CRIP2: variants seen among roughly 807,000 people sequenced by gnomAD.
The protein encoded by CRIP2 is cysteine-rich protein 2.
Under a neutral mutation model 31.3 loss-of-function variants are expected in CRIP2, and 31 were observed. The ratio of observed to expected loss-of-function variants is 0.99; its 90% CI spans 0.74 to 1.34. CRIP2 has a LOEUF of 1.34. Ranked by LOEUF, CRIP2 falls within the 40% of genes most tolerant of loss-of-function variation. The pLI, the probability that CRIP2 is intolerant of heterozygous loss-of-function variation, is 0.00. For missense variants in CRIP2, 389 were observed against 301.6 expected (o/e 1.29, Z -2.15); for synonymous variants, 177 against 127.2 (o/e 1.39, Z -2.63).
chr14:105,478,688 C>T lies in CRIP2; in HGVS notation c.197-43C>T, dbSNP rs1299752526. ...TTTCTGAGATGCCCGGTGGCCGCGG[C>T]CCCCACCCCACGTACCCCCGCCCCA... is the stretch of plus-strand genomic sequence containing the variant. On this transcript the variant is annotated intron_variant, in intron 3 of 7. Coordinates refer to ENST00000329146, the MANE Select transcript of CRIP2 (RefSeq NM_001312.4). This position sits in a 1 kb window ranked among gnomAD's most constrained non-coding sequence, Gnocchi z 4.9. 4 of 1,445,752 alleles carry T rather than the reference C, an allele frequency of 2.8e-6. No individual in the cohort carries two copies. Among genetic ancestry groups the T allele is most frequent in the African/African-American group, 1.4e-5 (1 of 70,082 alleles). 89.6% of individuals were successfully genotyped at this position (1,445,752 alleles called of 1,614,324 possible).
In CRIP2 at chr14:105,478,837, GA is replaced by G; in HGVS notation, c.305del (p.Lys102ArgfsTer38). The G allele has an allele frequency of 7.0e-7, 1 of 1,428,384 alleles. No homozygotes were observed. The highest frequency in any genetic ancestry group is 9.1e-7 in the Non-Finnish European group (1 of 1,101,660). 88.5% of individuals were successfully genotyped at this position (1,428,384 alleles called of 1,614,324 possible). On this transcript the variant is annotated frameshift_variant, in exon 4 of 8. Transcript: ENST00000329146. LOFTEE classifies it high-confidence loss of function. This position sits in a 1 kb window ranked among gnomAD's most constrained non-coding sequence, Gnocchi z 4.9. ...EVPAARAEERKASGPPKGPSR... is the reference protein window; with the variant it reads ...EVPAARAEERXASGPPKGPSR... ...TCCCCGCGGCCCGAGCAGAGGAGCG[GA>G]AGGCGAGCGGCCCCCCGAAGGGGCC...
chr14:105,476,909 T>A (rs587662284), intron 1 of CRIP2: 1 of 367,882 alleles, frequency 2.7e-6, no homozygotes, highest in African/African-American at 2.2e-5. Context: ...GTAGGCCACC[T>A]GGGGGATCCC....
chr14:105,478,223 GGCGCGCCCCGGC>G lies in CRIP2; in HGVS notation c.44-42_44-31del, dbSNP rs1273901259. The G allele has an allele frequency of 7.0e-7, 1 of 1,429,608 alleles. No individual in the cohort carries two copies. The highest frequency in any genetic ancestry group is 1.5e-5 in the African/African-American group (1 of 66,698). The allele number at this position is 1,429,608 out of a possible 1,614,324, so 88.6% of individuals were successfully genotyped here. ...CCAGGTGGGGGCGGAGGGGGTGCGG[GGCGCGCCCCGGC>G]CCTGACCCCCCTGCCGCCCCTCCCG... On this transcript the variant is annotated intron_variant, in intron 1 of 7. Coordinates refer to ENST00000329146, the MANE Select transcript of CRIP2 (RefSeq NM_001312.4). This position sits in a 1 kb window ranked among gnomAD's most constrained non-coding sequence, Gnocchi z 4.9.
rs1209277606 is a variant in CRIP2, at chr14:105,478,940, C to T, written c.338-39C>T. 6 of 1,531,994 alleles carry T rather than the reference C, an allele frequency of 3.9e-6. No homozygotes were observed. The highest frequency in any genetic ancestry group is 2.0e-5 in the Admixed American group (1 of 50,770). 94.9% of individuals were successfully genotyped at this position (1,531,994 alleles called of 1,614,324 possible). A position where few individuals can be genotyped will look rare whatever the true frequency, so the allele number is the denominator to read the frequency against. On this transcript the variant is annotated intron_variant, in intron 4 of 7. Transcript: ENST00000329146. This position sits in a 1 kb window ranked among gnomAD's most constrained non-coding sequence, Gnocchi z 4.9. ...GGGCTGGGGCTGGGGGTTGTGGGCA[C>T]CCCCGGCCCCGCCCCGCCCTGACTC...
chr14:105,473,191 C>A, upstream of CRIP2: 4 of 1,530,140 alleles, frequency 2.6e-6, no homozygotes, highest in Non-Finnish European at 3.5e-6. Context: ...GTGAGGGACC[C>A]CTAGGGACCC....
chr14:105,479,483 C>T lies in CRIP2; in HGVS notation c.549C>T (p.Phe183=), dbSNP rs781783153. The T allele has an allele frequency of 5.6e-6, 9 of 1,612,912 alleles. No homozygotes were observed. Among genetic ancestry groups the T allele is most frequent in the African/African-American group, 1.3e-5 (1 of 74,932 alleles). The change falls in exon 7 of 8, where the codon TTC becomes TTT. Residue 183 remains phenylalanine (F), a synonymous_variant. Transcript: ENST00000329146. ...YCHKPCYGIL[F]GPKGVNTGAV... Reference sequence around the variant, plus strand: ...ACAAGCCCTGCTATGGAATCCTCTTCGGACCCAAGGGTGAGTGTAGCCAGG... The same window carrying T: ...ACAAGCCCTGCTATGGAATCCTCTTTGGACCCAAGGGTGAGTGTAGCCAGG...
At chr14:105,477,819 G>T (rs1412071404) in intron 1 of CRIP2, among the ~76,000 whole-genome samples, 2 of 119,862 alleles carry the variant, frequency 1.7e-5, no homozygotes, top group Admixed American at 8.2e-5. Flanking sequence ...GGAGGCGGGC[G>T]TGTGGGGGAG....
chr14:105,473,317 G>C (rs1209118058), upstream of CRIP2: 3 of 1,526,436 alleles, frequency 2.0e-6, no homozygotes, highest in Non-Finnish European at 2.6e-6. Context: ...GGTCAGGCTG[G>C]TCAGTCGGGC....
chr14:105,479,335 C>T lies in CRIP2; in HGVS notation c.502-101C>T, dbSNP rs905478390. On this transcript the variant is annotated intron_variant, in intron 6 of 7. Transcript: ENST00000329146. ...TGGTGCTTCTGGGAGCTGCGCTGCCCTCTCCCCCACGGCGAGCCGGCCTGC... is the reference window on the plus strand; with the variant it reads ...TGGTGCTTCTGGGAGCTGCGCTGCCTTCTCCCCCACGGCGAGCCGGCCTGC... 1.2e-5 allele frequency: 18 copies of T among 1,556,056 alleles called. No homozygotes were observed. The African/African-American group carries it at 2.0e-4, about 18-fold the overall frequency.
chr14:105,475,196 G>A, intron 1 of CRIP2: 1 of 320,952 alleles, frequency 3.1e-6, no homozygotes, highest in Non-Finnish European at 5.7e-6. Flanking sequence ...GTGTTTGGGG[G>A]AGCGCTCGGG....
At chr14:105,476,116 C>T in intron 1 of CRIP2, 3 of 985,534 alleles carry the variant, frequency 3.0e-6, no homozygotes, top group African/African-American at 1.7e-5. Flanking sequence ...GTCTCTGTCC[C>T]AGCGAGGGCT....
rs1486852717 is a variant in CRIP2, at chr14:105,478,566, C to T, written c.196+59C>T. On this transcript the variant is annotated intron_variant, in intron 3 of 7. Transcript: ENST00000329146. The surrounding 1 kb of genome is among the most constrained non-coding windows in gnomAD (Gnocchi z 4.9). ...CCTGCTGGGAGGGGCGTGGCGCTGG[C>T]GCTGGGGAGGGCTGGGGGTCCCGGC... 4 of 1,563,438 alleles carry T rather than the reference C, an allele frequency of 2.6e-6. No individual in the cohort carries two copies. The African/African-American group carries it at 4.1e-5, about 16-fold the overall frequency.
In CRIP2 at chr14:105,478,530, C is replaced by G. The variant is rs587762498; in HGVS notation, c.196+23C>G. The G allele has an allele frequency of 2.6e-5, 42 of 1,602,538 alleles. No individual in the cohort carries two copies. In the South Asian group the frequency reaches 4.7e-4, roughly 18 times the overall value. On this transcript the variant is annotated intron_variant, in intron 3 of 7. Coordinates refer to ENST00000329146, the MANE Select transcript of CRIP2 (RefSeq NM_001312.4). The surrounding 1 kb of genome is among the most constrained non-coding windows in gnomAD (Gnocchi z 4.9). Reference sequence around the variant, plus strand: ...AAGGTGAGCTCCGGCTGCCCTCGGCCTGCCCTGGGACCTGCTGGGAGGGGC... The same window carrying G: ...AAGGTGAGCTCCGGCTGCCCTCGGCGTGCCCTGGGACCTGCTGGGAGGGGC...
upstream of CRIP2, chr14:105,473,432 A>G: frequency 6.5e-7 from 1 of 1,535,698 alleles, no homozygotes; most frequent in Non-Finnish European, 8.7e-7. Context: ...GAGCCCAGCC[A>G]GGACCACCAT....
At chr14:105,477,368 G>C in intron 1 of CRIP2, 1 of 985,296 alleles carries the variant, frequency 1.0e-6, no homozygotes. Context: ...GAGAGCTCAG[G>C]GTTTAGGACG....
Position 105,478,541 on chromosome 14 carries a change from C to A in CRIP2, c.196+34C>A. On this transcript the variant is annotated intron_variant, in intron 3 of 7. Coordinates refer to ENST00000329146, the MANE Select transcript of CRIP2 (RefSeq NM_001312.4). This position sits in a 1 kb window ranked among gnomAD's most constrained non-coding sequence, Gnocchi z 4.9. ...CGGCTGCCCTCGGCCTGCCCTGGGA[C>A]CTGCTGGGAGGGGCGTGGCGCTGGC... 1 of 1,595,810 alleles carries A rather than the reference C, an allele frequency of 6.3e-7. No individual in the cohort carries two copies.
At chr14:105,477,534 C>T (rs2083959459) in intron 1 of CRIP2, 3 of 983,542 alleles carry the variant, frequency 3.1e-6, no homozygotes, top group African/African-American at 1.8e-5. Context: ...GGATCAGGGG[C>T]GTGTCAGTGC....
At chr14:105,476,546 C>T (rs1296527606) in intron 1 of CRIP2, 30 of 985,464 alleles carry the variant, frequency 3.0e-5, no homozygotes, top group South Asian at 4.7e-5. Flanking sequence ...AACTCGGACC[C>T]GTAATGTGTG....
In CRIP2 at chr14:105,479,711, C is replaced by A; in HGVS notation, c.*58C>A. 1 of 1,554,126 alleles carries A rather than the reference C, an allele frequency of 6.4e-7. No homozygotes were observed. The highest frequency in any genetic ancestry group is 2.4e-5 in the East Asian group (1 of 42,088). ...GCGCCCCAGACCCTGCAGGGGCCCC[C>A]CTGCTTGGCTCTGCTGGGAGAGTGC... On this transcript the variant is annotated 3_prime_UTR_variant, in exon 8 of 8. Transcript: ENST00000329146.
Sources: gnomAD v4.1 joint callset for allele counts (sites outside exome capture counted in the v4.1 genomes callset) on GRCh38, gnomAD v4.1.1 for gene constraint, Gnocchi (gnomAD v3.1) non-coding constraint, MANE v1.5 for transcripts, NCBI Gene and HGNC (gene_info 2026-07-23, HGNC 2026-07-21) for gene names.